The following ALOX5 variants were observed in gnomAD, a reference collection of about 807,000 sequenced individuals.
The protein encoded by ALOX5 is arachidonate 5-lipoxygenase, also known as polyunsaturated fatty acid 5-lipoxygenase.
In ALOX5, 64 loss-of-function variants were observed where a neutral mutation model predicts 87.9. The ratio of observed to expected loss-of-function variants is 0.73; its 90% CI spans 0.60 to 0.90. The LOEUF (loss-of-function observed/expected upper bound fraction) is 0.90. Ranked by LOEUF, ALOX5 falls within the 40% of genes least tolerant of loss-of-function variation. ALOX5 has a pLI of 0.00. For synonymous variants in ALOX5, 388 were observed against 355.1 expected (o/e 1.09, Z -1.04); for missense variants, 822 against 907.5 (o/e 0.91, Z 1.21).
intron 4 of ALOX5, among the ~76,000 whole-genome samples, chr10:45,415,343 C>A (rs970370521): frequency 6.6e-6 from 1 of 152,084 alleles, no homozygotes; most frequent in African/African-American, 2.4e-5. Flanking sequence ...GGACAAAAAA[C>A]CAAACACCGC....
chr10:45,438,694 G>A (rs552803442), intron 7 of ALOX5, among the ~76,000 whole-genome samples: 3 of 152,350 alleles, frequency 2.0e-5, no homozygotes, highest in South Asian at 2.1e-4. Flanking sequence ...CTGGGACTCT[G>A]TAAAAGGGAC....
intron 2 of ALOX5, among the ~76,000 whole-genome samples, chr10:45,383,727 C>T (rs563683930): frequency 1.1e-4 from 17 of 152,264 alleles, no homozygotes; most frequent in African/African-American, 4.1e-4. Flanking sequence ...CACATCCCAT[C>T]GTTTCTGATG....
Position 45,441,330 on chromosome 10 carries a change from TCTCCC to T in ALOX5, c.1186-7_1186-3del. On this transcript the variant is annotated splice_polypyrimidine_tract_variant and intron_variant, in intron 8 of 13. Coordinates refer to ENST00000374391, the MANE Select transcript of ALOX5 (RefSeq NM_000698.5). Reference sequence around the variant, plus strand: ...CTGGGCCCCCTCTGAGGCCTCCTCCTCTCCCCTCCCCAGCTGCTGGTGGCACACGT... The same window carrying T: ...CTGGGCCCCCTCTGAGGCCTCCTCCTCTCCCCAGCTGCTGGTGGCACACGT... The T allele has an allele frequency of 6.2e-7, 1 of 1,612,356 alleles. No individual in the cohort carries two copies. Among genetic ancestry groups the T allele is most frequent in the Non-Finnish European group, 8.5e-7 (1 of 1,179,010 alleles).
At chr10:45,389,372 A>T (rs766378925) in intron 2 of ALOX5, among the ~76,000 whole-genome samples, 2 of 152,146 alleles carry the variant, frequency 1.3e-5, no homozygotes, top group Non-Finnish European at 2.9e-5. Context: ...GAGAAGAGCA[A>T]CTCCGAGACA....
At position 45,380,933 on chromosome 10, in the gene ALOX5, C is replaced by T. The variant is rs376049676; in HGVS notation, c.151-1550C>T. 5.4e-4 allele frequency among the ~76,000 whole-genome samples: 83 copies of T among 152,332 alleles called. 1 individual carries two copies. In the East Asian group the frequency reaches 0.013, roughly 23 times the overall value. The stretch of plus-strand genomic sequence containing the variant: ...CTCCAGCCTGAGCAACACAGTGAGA[C>T]TCCACCTCAAAATAAAAAAGAACAT... On this transcript the variant is annotated intron_variant, in intron 1 of 13. Transcript: ENST00000374391.
intron 2 of ALOX5, among the ~76,000 whole-genome samples, chr10:45,389,452 G>C (rs1275146975): frequency 6.6e-6 from 1 of 152,176 alleles, no homozygotes; most frequent in Non-Finnish European, 1.5e-5. Context: ...AGAAAGGTCA[G>C]GTTACCCACA....
chr10:45,404,823 G>GT (rs1399889880), intron 3 of ALOX5, among the ~76,000 whole-genome samples: 24 of 152,190 alleles, frequency 1.6e-4, no homozygotes, highest in Admixed American at 1.6e-3. Context: ...CAGACCACGT[G>GT]TTTTTAAGCT....
intron 7 of ALOX5, among the ~76,000 whole-genome samples, chr10:45,439,622 T>A (rs902477615): frequency 6.6e-6 from 1 of 152,204 alleles, no homozygotes; most frequent in Non-Finnish European, 1.5e-5. Context: ...GGCTGGGTGC[T>A]GGTGTGGGGG....
At chr10:45,445,013 G>T (rs1348973918) in intron 13 of ALOX5, among the ~76,000 whole-genome samples, 1 of 152,204 alleles carries the variant, frequency 6.6e-6, no homozygotes, top group East Asian at 1.9e-4. Context: ...ATGATATCTA[G>T]CTCTGCCCCG....
At chr10:45,438,465 G>A (rs911428756) in intron 7 of ALOX5, among the ~76,000 whole-genome samples, 2 of 152,148 alleles carry the variant, frequency 1.3e-5, no homozygotes, top group African/African-American at 2.4e-5. Context: ...CAACAGGGGG[G>A]CTCCTCGGCC....
rs1333846528 is a variant in ALOX5 at position 45,396,016 on chromosome 10, T to A, written c.431+80T>A. 6 of 1,444,574 alleles carry A rather than the reference T, an allele frequency of 4.2e-6. No homozygotes were observed. The East Asian group carries it at 9.4e-5, about 23-fold the overall frequency. The allele number at this position is 1,444,574 out of a possible 1,614,324, so 89.5% of individuals were successfully genotyped here. A position where few individuals can be genotyped will look rare whatever the true frequency, so the allele number is the denominator to read the frequency against. ...AGAGCATGGTATGAAATAAACCCTT[T>A]CCACAGTGTATGGCCTGTCACTGCT... is the stretch of plus-strand genomic sequence containing the variant. On this transcript the variant is annotated intron_variant, in intron 3 of 13. Coordinates refer to ENST00000374391, the MANE Select transcript of ALOX5 (RefSeq NM_000698.5).
intron 5 of ALOX5, 55 bp from the exon 6 acceptor site, chr10:45,424,905 G>A: frequency 1.3e-6 from 2 of 1,599,430 alleles, no homozygotes; most frequent in East Asian, 2.2e-5. Flanking sequence ...GAGGGCCATG[G>A]CCCTGGCTGC....
intron 3 of ALOX5, among the ~76,000 whole-genome samples, chr10:45,409,565 CTCTT>C (rs1240262813): frequency 4.7e-5 from 7 of 149,874 alleles, no homozygotes; most frequent in Admixed American, 1.3e-4. Context: ...TTCTCTCTCT[CTCTT>C]TCTCTCTCTC....
intron 13 of ALOX5, among the ~76,000 whole-genome samples, 180 bp from the exon 14 acceptor site, chr10:45,445,328 C>T (rs575209272): frequency 3.3e-5 from 5 of 152,334 alleles, no homozygotes; most frequent in African/African-American, 4.8e-5. Context: ...AGGTTGGAGG[C>T]GACGACACTT....
chr10:45,385,036 A>T (rs1051057953), intron 2 of ALOX5, among the ~76,000 whole-genome samples: 2 of 151,986 alleles, frequency 1.3e-5, no homozygotes, highest in African/African-American at 4.8e-5. Context: ...TACTAGAGAA[A>T]GGGTTTTGCC....
At chr10:45,392,543 C>T (rs1840324582) in intron 2 of ALOX5, among the ~76,000 whole-genome samples, 1 of 151,836 alleles carries the variant, frequency 6.6e-6, no homozygotes, top group Admixed American at 6.6e-5. Flanking sequence ...ACTCCCTAAT[C>T]TCAAGTACCC....
chr10:45,423,831 G>T (rs1478326907), intron 4 of ALOX5, among the ~76,000 whole-genome samples: 4 of 152,162 alleles, frequency 2.6e-5, no homozygotes, highest in Non-Finnish European at 5.9e-5. Flanking sequence ...GAGGGTACTG[G>T]CCTGTCTCTT....
rs138612906 is a variant in ALOX5 at position 45,427,529 on chromosome 10, C to T, written c.835-1089C>T. On this transcript the variant is annotated intron_variant, in intron 6 of 13. Transcript: ENST00000374391. The stretch of plus-strand genomic sequence containing the variant: ...GCCGTCCTGGGTGGGTGGCTTCTGT[C>T]CTGCGTGCCGCCGGGCAGCCCGGGG... 6.5e-3 allele frequency among the ~76,000 whole-genome samples: 984 copies of T among 152,324 alleles called. 11 individuals are homozygous for T. Among genetic ancestry groups the T allele is most frequent in the African/African-American group, 0.022 (932 of 41,574 alleles).
chr10:45,424,967 C>A lies in ALOX5; in HGVS notation c.669C>A (p.Val223=). Reference sequence around the variant, plus strand: ...TCGCTTTTCTCCTGGTAGAGCGGGTCATGAATCACTGGCAGGAAGACCTGA... The same window carrying A: ...TCGCTTTTCTCCTGGTAGAGCGGGTAATGAATCACTGGCAGGAAGACCTGA... ...VKISNTISER[V]MNHWQEDLMF... is the part of the protein sequence containing the mutation. The change falls in exon 6 of 14, where the codon GTC becomes GTA. Residue 223 remains valine, a synonymous_variant. Coordinates refer to ENST00000374391, the MANE Select transcript of ALOX5 (RefSeq NM_000698.5). The A allele has an allele frequency of 6.2e-7, 1 of 1,614,176 alleles. No individual in the cohort carries two copies. The highest frequency in any genetic ancestry group is 8.5e-7 in the Non-Finnish European group (1 of 1,180,014).
Sources: allele counts gnomAD v4.1 joint callset (sites outside exome capture counted in the v4.1 genomes callset), GRCh38; gene constraint gnomAD v4.1.1; transcripts MANE v1.5; gene names NCBI Gene and HGNC (gene_info 2026-07-23, HGNC 2026-07-21).